CDKN3: variants seen among roughly 807,000 people sequenced by gnomAD.
The protein encoded by CDKN3 is cyclin-dependent kinase inhibitor 3.
A neutral mutation model predicts 36.1 loss-of-function variants in CDKN3; 19 were observed. That is an observed-to-expected ratio of 0.53 (90% confidence interval 0.37 to 0.77). The LOEUF is 0.77. Ranked by LOEUF, CDKN3 falls within the 30% of genes least tolerant of loss-of-function variation. CDKN3 has a pLI of 0.00. For missense variants in CDKN3, 188 were observed against 248.6 expected (o/e 0.76, Z 1.64); for synonymous variants, 71 against 85.3 (o/e 0.83, Z 0.92).
chr14:54,414,860 A>G (rs1262749268), intron 5 of CDKN3, among the ~76,000 whole-genome samples: 1 of 151,910 alleles, frequency 6.6e-6, no homozygotes, highest in African/African-American at 2.4e-5. Context: ...CTCCCTTTAT[A>G]TGGTAGATCC....
chr14:54,418,541 T>G (rs2030623904), intron 7 of CDKN3: 1 of 372,292 alleles, frequency 2.7e-6, no homozygotes, highest in East Asian at 5.3e-5. Context: ...CTGAAAAGAT[T>G]CTGCAGATGT....
intron 3 of CDKN3, chr14:54,408,469 T>C: frequency 3.1e-6 from 1 of 318,074 alleles, no homozygotes; most frequent in Non-Finnish European, 5.7e-6. Context: ...TTGCCAATCT[T>C]AATAAAGCTT....
At chr14:54,410,291 G>A (rs984905778) in intron 4 of CDKN3, among the ~76,000 whole-genome samples, 5 of 152,012 alleles carry the variant, frequency 3.3e-5, no homozygotes, top group Non-Finnish European at 7.4e-5. Flanking sequence ...GAAAATCACT[G>A]GATAATAAAA....
chr14:54,405,416 A>G (rs1039496946), intron 3 of CDKN3, among the ~76,000 whole-genome samples: 2 of 152,152 alleles, frequency 1.3e-5, no homozygotes, highest in Admixed American at 1.3e-4. Flanking sequence ...TGTCTCGCTG[A>G]TCTGTCTAAT....
intron 2 of CDKN3, among the ~76,000 whole-genome samples, chr14:54,401,085 C>T (rs555847241): frequency 3.3e-5 from 5 of 152,284 alleles, no homozygotes; most frequent in Admixed American, 6.5e-5. Context: ...CCGTATACTA[C>T]CGGTTGGCAA....
intron 3 of CDKN3, 98 bp from the exon 4 acceptor site, chr14:54,408,647 G>C (rs143738248): frequency 8.1e-7 from 1 of 1,229,096 alleles, no homozygotes; most frequent in Non-Finnish European, 1.1e-6. Context: ...AAATGATTAC[G>C]TGAAATGACT....
rs2029941395 is a variant in CDKN3 at position 54,401,557 on chromosome 14, T to G, written c.126T>G (p.Phe42Leu). Reference sequence around the variant, plus strand: ...TGTCACGAGTGAATTGTTCTCAGTTTCTCGGTTTATGTGCTCTTCCAGGTG... The same window carrying G: ...TGTCACGAGTGAATTGTTCTCAGTTGCTCGGTTTATGTGCTCTTCCAGGTG... ...LSLSRVNCSQ[F>L]LGLCALPGCK... is the part of the protein sequence containing the mutation. The change falls in exon 3 of 8, where the codon TTT becomes TTG. Residue 42 changes from phenylalanine (F) to leucine (L), a missense_variant. Phe to Leu is a conservative substitution (Grantham distance 22). Coordinates refer to ENST00000335183, the MANE Select transcript of CDKN3 (RefSeq NM_005192.4). 6.2e-7 allele frequency: 1 copy of G among 1,611,022 alleles called. No individual in the cohort carries two copies. The highest frequency in any genetic ancestry group is 8.5e-7 in the Non-Finnish European group (1 of 1,178,190).
chr14:54,411,779 A>T (rs1355574516), intron 5 of CDKN3, 73 bp downstream of exon 5: 1 of 958,112 alleles, frequency 1.0e-6, no homozygotes, highest in East Asian at 2.5e-5. Flanking sequence ...TGGTAGCCCT[A>T]TTCAGTTATC....
chr14:54,399,029 A>G (rs1886399730), intron 1 of CDKN3, among the ~76,000 whole-genome samples: 1 of 119,154 alleles, frequency 8.4e-6, no homozygotes, highest in Non-Finnish European at 1.6e-5. Context: ...CCTGTCAGCC[A>G]GGCTGGAGTG....
At chr14:54,404,667 C>T (rs1171458643) in intron 3 of CDKN3, among the ~76,000 whole-genome samples, 1 of 152,062 alleles carries the variant, frequency 6.6e-6, no homozygotes, top group Admixed American at 6.5e-5. Flanking sequence ...CTCTGCCTCC[C>T]GGGTTCATGC....
chr14:54,414,283 C>T (rs1451802386), intron 5 of CDKN3: 3 of 152,204 alleles, frequency 2.0e-5, no homozygotes, highest in Admixed American at 6.6e-5. Flanking sequence ...GTACCACACG[C>T]CAAGACTACC....
chr14:54,416,154 C>T (rs1246418450), intron 6 of CDKN3, among the ~76,000 whole-genome samples: 1 of 152,166 alleles, frequency 6.6e-6, no homozygotes, highest in Non-Finnish European at 1.5e-5. Context: ...ACATCATTTA[C>T]AAGTCTTAAC....
chr14:54,401,751 A>G (rs2029948781), intron 3 of CDKN3, among the ~76,000 whole-genome samples, 172 bp downstream of exon 3: 1 of 152,146 alleles, frequency 6.6e-6, no homozygotes, highest in Non-Finnish European at 1.5e-5. Context: ...AATGTACCCA[A>G]TGTGAAGTCT....
At chr14:54,406,734 T>C (rs1428923692) in intron 3 of CDKN3, among the ~76,000 whole-genome samples, 1 of 152,010 alleles carries the variant, frequency 6.6e-6, no homozygotes, top group Non-Finnish European at 1.5e-5. Flanking sequence ...TAGTTAGCAG[T>C]TCCTCTAACC....
chr14:54,411,833 A>C (rs748744037), intron 5 of CDKN3, 127 bp downstream of exon 5: 13 of 724,042 alleles, frequency 1.8e-5, no homozygotes, highest in South Asian at 1.8e-4. Context: ...GTAATAATGC[A>C]CTAGGAAAGC....
Position 54,411,564 on chromosome 14 carries a change from CT to C in CDKN3, c.276del (p.Leu93TrpfsTer24). On this transcript the variant is annotated frameshift_variant, in exon 5 of 8. Coordinates refer to ENST00000335183, the MANE Select transcript of CDKN3 (RefSeq NM_005192.4). LOFTEE classifies it high-confidence loss of function. Reference sequence around the variant, plus strand: ...ACTGTCAAAATATAGAGTCCCAAACCTTCTGGATCTCTACCAGCAATGTGGA... The same window carrying C: ...ACTGTCAAAATATAGAGTCCCAAACCTCTGGATCTCTACCAGCAATGTGGA... ...GELSKYRVPNLLDLYQQCGII... is the reference protein window; with the variant it reads ...GELSKYRVPNXLDLYQQCGII... 6.2e-7 allele frequency: 1 copy of C among 1,614,078 alleles called. No homozygotes were observed. Among genetic ancestry groups the C allele is most frequent in the Non-Finnish European group, 8.5e-7 (1 of 1,179,976 alleles).
intron 3 of CDKN3, among the ~76,000 whole-genome samples, chr14:54,406,006 T>G (rs2139973955): frequency 6.6e-6 from 1 of 152,374 alleles, no homozygotes; most frequent in Admixed American, 6.5e-5. Context: ...TAGTGCTTCC[T>G]TCAGGAGCTC....
At position 54,416,021 on chromosome 14, in the gene CDKN3, C is replaced by G. The variant is rs977623589; in HGVS notation, c.448+91C>G. 4.2e-6 allele frequency: 4 copies of G among 949,496 alleles called. No individual in the cohort carries two copies. In the Admixed American group the frequency reaches 7.3e-5, roughly 17 times the overall value. 58.8% of individuals were successfully genotyped at this position (949,496 alleles called of 1,614,324 possible). Reference sequence around the variant, plus strand: ...TGTTCATTTTGTATTAAAATGGAACCAAGCAAAATATAAGTTTGCTAAGAC... The same window carrying G: ...TGTTCATTTTGTATTAAAATGGAACGAAGCAAAATATAAGTTTGCTAAGAC... On this transcript the variant is annotated intron_variant, in intron 6 of 7. Transcript: ENST00000335183.
At chr14:54,416,682 G>A (rs1204417817) in intron 6 of CDKN3, among the ~76,000 whole-genome samples, 2 of 152,132 alleles carry the variant, frequency 1.3e-5, no homozygotes, top group African/African-American at 2.4e-5. Flanking sequence ...AGGCATAGTG[G>A]TGCATGCCTG....
Sources: allele counts gnomAD v4.1 joint callset (sites outside exome capture counted in the v4.1 genomes callset), GRCh38; gene constraint gnomAD v4.1.1; transcripts MANE v1.5; gene names NCBI Gene and HGNC (gene_info 2026-07-23, HGNC 2026-07-21).